Variants in PAIP2 observed in about 807,000 individuals in gnomAD.
PAIP2 encodes the protein polyadenylate-binding protein-interacting protein 2.
Under a neutral mutation model 14.8 loss-of-function variants are expected in PAIP2, and 7 were observed. That is an observed-to-expected ratio of 0.47 (90% CI 0.27 to 0.89). PAIP2 has a LOEUF of 0.89. Among genes scored for constraint, PAIP2 ranks in the 40% least tolerant of loss-of-function variants. PAIP2 has a pLI of 0.13. For missense variants in PAIP2, 122 were observed against 154.7 expected (o/e 0.79, Z 1.12); for synonymous variants, 47 against 45.3 (o/e 1.04, Z -0.15).
intron 1 of PAIP2, among the ~76,000 whole-genome samples, chr5:139,355,119 C>T (rs1335741000): frequency 6.6e-6 from 1 of 151,242 alleles, no homozygotes; most frequent in Non-Finnish European, 1.5e-5. Flanking sequence ...AGCCACCGCA[C>T]CTGGCCCAGT....
At chr5:139,355,417 C>G (rs1279698687) in intron 1 of PAIP2, among the ~76,000 whole-genome samples, 2 of 152,032 alleles carry the variant, frequency 1.3e-5, no homozygotes, top group Admixed American at 1.3e-4. Flanking sequence ...GGTGATCTGC[C>G]TGCCTTGGCC....
At chr5:139,350,175 CAAA>C (rs1223498671) in intron 1 of PAIP2, among the ~76,000 whole-genome samples, 6 of 66,530 alleles carry the variant, frequency 9.0e-5, no homozygotes, top group African/African-American at 5.7e-5. Context: ...GACTCTGTCT[CAAA>C]AAAAAAAAAA....
chr5:139,354,004 G>A lies in PAIP2; in HGVS notation c.-26-9755G>A, dbSNP rs929873872. Among the ~76,000 whole-genome samples the A allele has an allele frequency of 2.0e-4, 31 of 152,230 alleles. 1 individual carries two copies. The highest frequency in any genetic ancestry group is 7.5e-4 in the African/African-American group (31 of 41,454). On this transcript the variant is annotated intron_variant, in intron 1 of 3. Coordinates refer to ENST00000265192, the MANE Select transcript of PAIP2 (RefSeq NM_016480.5). Reference sequence around the variant, plus strand: ...CCCAAAGTGCTGGGATTACAGGCATGAGCCACTGTGCCCAGCCTTATCTTT... The same window carrying A: ...CCCAAAGTGCTGGGATTACAGGCATAAGCCACTGTGCCCAGCCTTATCTTT...
intron 1 of PAIP2, among the ~76,000 whole-genome samples, chr5:139,347,695 A>G (rs1439379795): frequency 1.3e-5 from 2 of 152,164 alleles, no homozygotes; most frequent in Admixed American, 6.5e-5. Flanking sequence ...ATACATATGT[A>G]ACTAACCTGC....
At chr5:139,343,703 A>C (rs898429003) in intron 1 of PAIP2, among the ~76,000 whole-genome samples, 1 of 150,130 alleles carries the variant, frequency 6.7e-6, no homozygotes, top group Non-Finnish European at 1.5e-5. Context: ...AAATGGGCAG[A>C]GCAAGTTTTT....
rs1367461006 is a variant in PAIP2, at chr5:139,369,423, A to C, written c.*625A>C. 1.3e-5 allele frequency: 2 copies of C among 152,738 alleles called. No individual in the cohort carries two copies. Among genetic ancestry groups the C allele is most frequent in the Non-Finnish European group, 2.9e-5 (2 of 68,114 alleles). The allele number at this position is 152,738 out of a possible 1,614,324, so 9.5% of individuals were successfully genotyped here. Reference sequence around the variant, plus strand: ...TTGTAACTTCTAAGGGATTCACTGCATCATAGCTATGCCTGTATGGAGTCT... The same window carrying C: ...TTGTAACTTCTAAGGGATTCACTGCCTCATAGCTATGCCTGTATGGAGTCT... On this transcript the variant is annotated 3_prime_UTR_variant, in exon 4 of 4. Coordinates refer to ENST00000265192, the MANE Select transcript of PAIP2 (RefSeq NM_016480.5).
At chr5:139,344,731 C>T (rs972848086) in intron 1 of PAIP2, among the ~76,000 whole-genome samples, 1 of 152,084 alleles carries the variant, frequency 6.6e-6, no homozygotes, top group African/African-American at 2.4e-5. Context: ...CTTGCTCTCA[C>T]CTAATTACCC....
intron 3 of PAIP2, 46 bp downstream of exon 3, chr5:139,364,789 CAT>C (rs1281887124): frequency 7.8e-7 from 1 of 1,289,672 alleles, no homozygotes; most frequent in Non-Finnish European, 1.1e-6. Flanking sequence ...GCATCTTTTG[CAT>C]AAGTGGAAAA....
chr5:139,363,952 A>C (rs972143090), intron 2 of PAIP2, 30 bp downstream of exon 2: 1 of 1,598,766 alleles, frequency 6.3e-7, no homozygotes, highest in Non-Finnish European at 8.6e-7. Context: ...ATGTTTTTAT[A>C]GTCCATTCTG....
At chr5:139,364,419 A>T (rs1225929147) in intron 2 of PAIP2, 145 bp from the exon 3 acceptor site, 1 of 541,142 alleles carries the variant, frequency 1.8e-6, no homozygotes, top group Non-Finnish European at 3.2e-6. Flanking sequence ...GCCGGTCATT[A>T]TGGTAAGCAT....
chr5:139,360,834 G>A (rs1202549532), intron 1 of PAIP2, among the ~76,000 whole-genome samples: 2 of 151,198 alleles, frequency 1.3e-5, no homozygotes, highest in African/African-American at 4.9e-5. Flanking sequence ...AGGCTGAAGT[G>A]CAGTGATGTG....
chr5:139,356,656 AGT>A (rs1358821559), intron 1 of PAIP2, among the ~76,000 whole-genome samples: 2 of 151,686 alleles, frequency 1.3e-5, no homozygotes, highest in Admixed American at 1.3e-4. Context: ...GTCCAAGGCG[AGT>A]GGATTATTTG....
chr5:139,353,197 G>GT (rs999466233), intron 1 of PAIP2, among the ~76,000 whole-genome samples: 3 of 151,754 alleles, frequency 2.0e-5, no homozygotes, highest in Admixed American at 6.6e-5. Context: ...ACCAGAGTTT[G>GT]TTTTTTTACT....
chr5:139,352,504 T>TTTTTTTTTTTTTTTTTTTTTTTTTG (rs1470791772), intron 1 of PAIP2, among the ~76,000 whole-genome samples: 1 of 45,612 alleles, frequency 2.2e-5, no homozygotes, highest in South Asian at 1.2e-3. Context: ...TTTTTGTTGT[T>TTTTTTTTTTTTTTTTTTTTTTTTTG]TTTTTTTTTT....
chr5:139,363,642 G>GAGGT lies in PAIP2; in HGVS notation c.-26-117_-26-116insAGGT, dbSNP rs1757136350. ...GAGGCTGAGGCAAGAGATCGAGGCT[G>GAGGT]TGGTGAGCCATGATCACACCATTGC... is the stretch of plus-strand genomic sequence containing the variant. On this transcript the variant is annotated intron_variant, in intron 1 of 3. Coordinates refer to ENST00000265192, the MANE Select transcript of PAIP2 (RefSeq NM_016480.5). The GAGGT allele has an allele frequency of 9.0e-5, 72 of 800,186 alleles. No homozygotes were observed. The African/African-American group carries it at 1.2e-3, about 13-fold the overall frequency. 49.6% of individuals were successfully genotyped at this position (800,186 alleles called of 1,614,324 possible). A position where few individuals can be genotyped will look rare whatever the true frequency, so the allele number is the denominator to read the frequency against.
chr5:139,351,612 C>T (rs879295788), intron 1 of PAIP2, among the ~76,000 whole-genome samples: 3 of 152,088 alleles, frequency 2.0e-5, no homozygotes, highest in Non-Finnish European at 2.9e-5. Flanking sequence ...AAACTATATA[C>T]GCTTTAGACG....
intron 1 of PAIP2, among the ~76,000 whole-genome samples, chr5:139,352,077 C>A (rs1273476325): frequency 6.6e-6 from 1 of 151,288 alleles, no homozygotes; most frequent in Non-Finnish European, 1.5e-5. Flanking sequence ...TGAACTGTTC[C>A]AAAGTCCAGA....
intron 3 of PAIP2, 109 bp from the exon 4 acceptor site, chr5:139,368,624 G>T (rs1187557537): frequency 2.7e-6 from 2 of 749,906 alleles, no homozygotes; most frequent in Non-Finnish European, 2.3e-6. Context: ...TACAGACTGA[G>T]TTCTTTTGTC....
chr5:139,352,513 T>TTTTTTTTTTTTTTTTTTTTTTTTTTA (rs1756775922), intron 1 of PAIP2, among the ~76,000 whole-genome samples: 1 of 148,912 alleles, frequency 6.7e-6, no homozygotes, highest in African/African-American at 2.4e-5. Flanking sequence ...TTTTTTTTTT[T>TTTTTTTTTTTTTTTTTTTTTTTTTTA]TGAGATGGAG....
Sources: allele counts gnomAD v4.1 joint callset (sites outside exome capture counted in the v4.1 genomes callset), GRCh38; gene constraint gnomAD v4.1.1; transcripts MANE v1.5; gene names NCBI Gene and HGNC (gene_info 2026-07-23, HGNC 2026-07-21).